Variants in SLC22A17 observed in about 807,000 individuals in gnomAD.
SLC22A17 encodes solute carrier family 22 member 17.
In SLC22A17, 38 loss-of-function variants were observed where a neutral mutation model predicts 53.6. The ratio of observed to expected loss-of-function variants is 0.71; its 90% CI spans 0.55 to 0.93. The LOEUF (loss-of-function observed/expected upper bound fraction) is 0.93. SLC22A17 is among the 40% of genes least tolerant of loss of function. The pLI is 0.00. For missense variants in SLC22A17, 704 were observed against 791.0 expected (o/e 0.89, Z 1.32); for synonymous variants, 379 against 353.0 (o/e 1.07, Z -0.82).
rs1313513431 is a variant in SLC22A17 at position 23,347,067 on chromosome 14, C to A, written c.1661+34G>T. ...GTGGGGGAGCGGGAGGCGAGGGGGC[C>A]CGGCTCTGCCCCTGGGGGCACCCCT... On this transcript the variant is annotated intron_variant, in intron 9 of 9. Coordinates refer to ENST00000397267, the Ensembl canonical transcript of SLC22A17. The surrounding 1 kb of genome is among the most constrained non-coding windows in gnomAD (Gnocchi z 5.1). 1.3e-6 allele frequency: 2 copies of A among 1,582,000 alleles called. No individual in the cohort carries two copies. The highest frequency in any genetic ancestry group is 1.1e-5 in the South Asian group (1 of 87,060).
chr14:23,346,941 G>C lies in SLC22A17; in HGVS notation c.1662-5C>G, dbSNP rs928609343. 1.5e-5 allele frequency: 23 copies of C among 1,529,298 alleles called. No individual in the cohort carries two copies. The highest frequency in any genetic ancestry group is 2.4e-5 in the South Asian group (2 of 83,320). 94.7% of individuals were successfully genotyped at this position (1,529,298 alleles called of 1,614,324 possible). The stretch of plus-strand genomic sequence containing the variant: ...ATCAGGCCCAGGCCACGGCCCCTGG[G>C]GGGAGACAGAGGAGGAGCTCAGCCC... On this transcript the variant is annotated splice_region_variant and splice_polypyrimidine_tract_variant and intron_variant, in intron 9 of 9. Coordinates refer to ENST00000397267, the Ensembl canonical transcript of SLC22A17.
At chr14:23,350,313 GA>G (rs1454005360) in intron 3 of SLC22A17, among the ~76,000 whole-genome samples, 1 of 150,276 alleles carries the variant, frequency 6.7e-6, no homozygotes, top group Non-Finnish European at 1.5e-5. Context: ...CAAAAAGAAA[GA>G]AAAAAGAAAA....
exon 10 of SLC22A17, chr14:23,346,523 C>G: frequency 8.0e-7 from 1 of 1,255,380 alleles, no homozygotes; most frequent in Non-Finnish European, 1.1e-6. Flanking sequence ...CTGAGCTCTC[C>G]GCGATGGCTG....
In SLC22A17 at chr14:23,347,215, G is replaced by A; in HGVS notation, c.1550-3C>T. On this transcript the variant is annotated splice_region_variant and splice_polypyrimidine_tract_variant and intron_variant, in intron 8 of 9. Coordinates refer to ENST00000397267, the Ensembl canonical transcript of SLC22A17. This position sits in a 1 kb window ranked among gnomAD's most constrained non-coding sequence, Gnocchi z 5.1. ...GGTGATGGCAGCCTCGTTCAGATCTGCAGAAGCAAGAGGGATGATATGAAT... is the reference window on the plus strand; with the variant it reads ...GGTGATGGCAGCCTCGTTCAGATCTACAGAAGCAAGAGGGATGATATGAAT... 1 of 1,610,936 alleles carries A rather than the reference G, an allele frequency of 6.2e-7. No homozygotes were observed. Among genetic ancestry groups the A allele is most frequent in the Non-Finnish European group, 8.5e-7 (1 of 1,178,230 alleles).
rs1889703366 is a variant in SLC22A17, at chr14:23,352,467, G to C, written c.97-16C>G. The C allele has an allele frequency of 4.5e-6, 2 of 443,112 alleles. No individual in the cohort carries two copies. Among genetic ancestry groups the C allele is most frequent in the Admixed American group, 4.2e-5 (1 of 23,742 alleles). 27.4% of individuals were successfully genotyped at this position (443,112 alleles called of 1,614,324 possible). A position where few individuals can be genotyped will look rare whatever the true frequency, so the allele number is the denominator to read the frequency against. ...TCCCGACCTGCTGTTGGGGGGCAGGGGGTGGCAGGAGAAGGGTGAAGCGGA... is the reference window on the plus strand; with the variant it reads ...TCCCGACCTGCTGTTGGGGGGCAGGCGGTGGCAGGAGAAGGGTGAAGCGGA... On this transcript the variant is annotated splice_polypyrimidine_tract_variant and intron_variant, in intron 1 of 9. Transcript: ENST00000397267. The surrounding 1 kb of genome is among the most constrained non-coding windows in gnomAD (Gnocchi z 7.2).
chr14:23,347,329 A>G lies in SLC22A17; in HGVS notation c.1550-117T>C. The G allele has an allele frequency of 6.8e-7, 1 of 1,472,800 alleles. No individual in the cohort carries two copies. Among genetic ancestry groups the G allele is most frequent in the Middle Eastern group, 1.8e-4 (1 of 5,576 alleles). 91.2% of individuals were successfully genotyped at this position (1,472,800 alleles called of 1,614,324 possible). On this transcript the variant is annotated intron_variant, in intron 8 of 9. Coordinates refer to ENST00000397267, the Ensembl canonical transcript of SLC22A17. This position sits in a 1 kb window ranked among gnomAD's most constrained non-coding sequence, Gnocchi z 5.1. ...GGCTCTAGCTGGGCAGGCTCTGGGC[A>G]TTCAGTAATTGACTGGGAGAGCAGA...
chr14:23,350,428 T>G (rs1889549634), intron 3 of SLC22A17, among the ~76,000 whole-genome samples: 1 of 152,216 alleles, frequency 6.6e-6, no homozygotes, highest in Non-Finnish European at 1.5e-5. Context: ...TCCATGGGAA[T>G]AATCAGTAAG....
chr14:23,352,199 T>C lies in SLC22A17; in HGVS notation c.349A>G (p.Ile117Val), dbSNP rs1417661303. The stretch of plus-strand genomic sequence containing the variant: ...TGCAGCGGGGGCGCCAGCGTGAAGA[T>C]GGGGTCCGAGGCCATGCCCAGAGCC... Residue 117 changes from isoleucine (I) to valine (V), a missense_variant, in exon 2 of 10, where the codon ATC (isoleucine) becomes GTC (valine). Physicochemically the swap from Ile to Val is conservative, Grantham distance 29. Around this residue, in one of 4 missense-constraint regions of SLC22A17, gnomAD observed 31 missense variants for 62.3 expected, o/e 0.50. Transcript: ENST00000397267. This position sits in a 1 kb window ranked among gnomAD's most constrained non-coding sequence, Gnocchi z 7.2. 1 of 1,513,816 alleles carries C rather than the reference T, an allele frequency of 6.6e-7. No homozygotes were observed. Among genetic ancestry groups the C allele is most frequent in the Non-Finnish European group, 8.8e-7 (1 of 1,135,266 alleles). The allele number at this position is 1,513,816 out of a possible 1,614,324, so 93.8% of individuals were successfully genotyped here.
In SLC22A17 at chr14:23,352,584, G is replaced by A. The variant is rs1168634252; in HGVS notation, c.96+62C>T. ...GATGCGCAGGAGGAAAATGCCAGAC[G>A]CTCCGCGGGGGCGGGGGTGCTGGGA... On this transcript the variant is annotated intron_variant, in intron 1 of 9. Coordinates refer to ENST00000397267, the Ensembl canonical transcript of SLC22A17. This position sits in a 1 kb window ranked among gnomAD's most constrained non-coding sequence, Gnocchi z 7.2. 3.4e-5 allele frequency: 14 copies of A among 416,828 alleles called. No homozygotes were observed. In the Admixed American group the frequency reaches 3.4e-4, roughly 10 times the overall value. The allele number at this position is 416,828 out of a possible 1,614,324, so 25.8% of individuals were successfully genotyped here.
chr14:23,349,075 C>A (rs148188331), intron 4 of SLC22A17, 197 bp downstream of exon 4: 2 of 693,142 alleles, frequency 2.9e-6, no homozygotes, highest in African/African-American at 1.8e-5. Context: ...AGGACAAAGA[C>A]TTTAAAGATT....
In SLC22A17 at chr14:23,348,323, A is replaced by C. The variant is rs563336719; in HGVS notation, c.1026-17T>G. 4 of 1,613,524 alleles carry C rather than the reference A, an allele frequency of 2.5e-6. No individual in the cohort carries two copies. The highest frequency in any genetic ancestry group is 4.5e-5 in the East Asian group (2 of 44,858). On this transcript the variant is annotated splice_polypyrimidine_tract_variant and intron_variant, in intron 5 of 9. Transcript: ENST00000397267. This position sits in a 1 kb window ranked among gnomAD's most constrained non-coding sequence, Gnocchi z 4.5. ...CCAGGCCAGCTGGGGGCAGGGGGGA[A>C]GGGGTATACTGTGAGGCCTCCCTTC...
At chr14:23,349,133 T>C (rs904540764) in intron 4 of SLC22A17, 139 bp downstream of exon 4, 2 of 1,126,850 alleles carry the variant, frequency 1.8e-6, no homozygotes, top group Non-Finnish European at 1.3e-6. Context: ...CCCTGGATTC[T>C]TCAAGGGGGC....
chr14:23,348,613 C>G lies in SLC22A17; in HGVS notation c.918G>C (p.Val306=). The G allele has an allele frequency of 6.2e-7, 1 of 1,614,062 alleles. No individual in the cohort carries two copies. Among genetic ancestry groups the G allele is most frequent in the South Asian group, 1.1e-5 (1 of 91,080 alleles). Residue 306 remains valine, a synonymous_variant, in exon 5 of 10, where the codon GTG becomes GTC. Transcript: ENST00000397267. The surrounding 1 kb of genome is among the most constrained non-coding windows in gnomAD (Gnocchi z 4.5). Reference sequence around the variant, plus strand: ...GGAACAGGAAGTGCCCTCCCACCCCCACCAACTCCCCTGCCAGGGCCACCC... The same window carrying G: ...GGAACAGGAAGTGCCCTCCCACCCCGACCAACTCCCCTGCCAGGGCCACCC...
rs370557859 is a variant in SLC22A17 at position 23,348,306 on chromosome 14, G to A, written c.1026C>T (p.Gly342=). The change falls in exon 6 of 10, where the codon GGC becomes GGT. Residue 342 remains glycine, a splice_region_variant and synonymous_variant. Coordinates refer to ENST00000397267, the Ensembl canonical transcript of SLC22A17. This position sits in a 1 kb window ranked among gnomAD's most constrained non-coding sequence, Gnocchi z 4.5. Reference sequence around the variant, plus strand: ...CGGACTCCAGGAACAAACCAGGCCAGCTGGGGGCAGGGGGGAAGGGGTATA... The same window carrying A: ...CGGACTCCAGGAACAAACCAGGCCAACTGGGGGCAGGGGGGAAGGGGTATA... 6.2e-7 allele frequency: 1 copy of A among 1,613,914 alleles called. No homozygotes were observed. Among genetic ancestry groups the A allele is most frequent in the Non-Finnish European group, 8.5e-7 (1 of 1,179,964 alleles).
exon 10 of SLC22A17, chr14:23,346,892 C>T: frequency 6.5e-7 from 1 of 1,538,758 alleles, no homozygotes; most frequent in Non-Finnish European, 8.7e-7. Context: ...GCCGCTCAGT[C>T]CTCCAAGCGC....
chr14:23,348,359 G>C lies in SLC22A17; in HGVS notation c.1026-53C>G, dbSNP rs112088294. 469 of 1,606,326 alleles carry C rather than the reference G, an allele frequency of 2.9e-4. No individual in the cohort carries two copies. In the African/African-American group the frequency reaches 5.5e-3, roughly 19 times the overall value. ...GTGAGGCCTCCCTTCTCCTGATCTA[G>C]GGGTGGGAAATGTGCACCTCTGAGG... On this transcript the variant is annotated intron_variant, in intron 5 of 9. Coordinates refer to ENST00000397267, the Ensembl canonical transcript of SLC22A17. This position sits in a 1 kb window ranked among gnomAD's most constrained non-coding sequence, Gnocchi z 4.5.
Position 23,346,884 on chromosome 14 carries a change from C to T in SLC22A17, c.1714G>A (p.Gly572Ser), listed in dbSNP as rs994317813. 2.7e-5 allele frequency: 41 copies of T among 1,538,226 alleles called. No individual in the cohort carries two copies. Among genetic ancestry groups the T allele is most frequent in the African/African-American group, 4.1e-5 (3 of 73,280 alleles). ...CCCATGTGGAGGCGCTGGGCCGGGC[C>T]GCTCAGTCCTCCAAGCGCCCCTAGA... The change falls in exon 10 of 10, where the codon GGC becomes AGC. Residue 572 changes from glycine to serine, a missense_variant. By Grantham distance (56) the Gly-to-Ser change is moderately conservative (BLOSUM62 0). Coordinates refer to ENST00000397267, the Ensembl canonical transcript of SLC22A17.
intron 3 of SLC22A17, among the ~76,000 whole-genome samples, chr14:23,350,700 T>C (rs1889569474): frequency 6.6e-6 from 1 of 152,188 alleles, no homozygotes; most frequent in African/African-American, 2.4e-5. Flanking sequence ...TGCTGAAGGC[T>C]ACAGATTTTA....
chr14:23,346,977 C>G (rs1289371896), intron 9 of SLC22A17, 41 bp from the exon 10 acceptor site: 1 of 1,500,598 alleles, frequency 6.7e-7, no homozygotes. Context: ...ACAGCTGTAG[C>G]CTTGCTGGGC....
Sources: gnomAD v4.1 joint callset for allele counts (sites outside exome capture counted in the v4.1 genomes callset) on GRCh38, gnomAD v4.1.1 for gene constraint, gnomAD v4.1.1 regional missense constraint, Gnocchi (gnomAD v3.1) non-coding constraint, MANE v1.5 for transcripts, NCBI Gene and HGNC (gene_info 2026-07-23, HGNC 2026-07-21) for gene names.